Variants in MTG2 observed in about 807,000 individuals in gnomAD.
MTG2 encodes the protein mitochondrial ribosome-associated GTPase 2.
Under a neutral mutation model 28.6 loss-of-function variants are expected in MTG2, and 23 were observed. That is an observed-to-expected ratio of 0.80 (90% confidence interval 0.58 to 1.14). MTG2 has a LOEUF of 1.14. Ranked by LOEUF, MTG2 falls within the 50% of genes most tolerant of loss-of-function variation. The pLI, the probability that MTG2 is intolerant of heterozygous loss-of-function variation, is 0.00. For synonymous variants in MTG2, 260 were observed against 251.8 expected, an observed-to-expected ratio of 1.03 and a Z score of -0.31; for missense variants, 539 against 552.0, an observed-to-expected ratio of 0.98 and a Z score of 0.24.
At chr20:62,196,035 A>G in intron 3 of MTG2, 86 bp downstream of exon 3, 3 of 1,512,166 alleles carry the variant, frequency 2.0e-6, no homozygotes, top group Non-Finnish European at 2.7e-6. Context: ...ATGTATGGGC[A>G]GGCACAGTGG....
chr20:62,199,263 A>C lies in MTG2; in HGVS notation c.826+6A>C. The C allele has an allele frequency of 1.9e-6, 3 of 1,608,658 alleles. No homozygotes were observed. Among genetic ancestry groups the C allele is most frequent in the Non-Finnish European group, 2.6e-6 (3 of 1,175,770 alleles). The stretch of plus-strand genomic sequence containing the variant: ...AGGCCACCTACAAATAGCAGGTAGA[A>C]CTTCCAGAATTCTCCCAAAGGTTAG... On this transcript the variant is annotated splice_donor_region_variant and intron_variant, in intron 6 of 6. Coordinates refer to ENST00000370823, the MANE Select transcript of MTG2 (RefSeq NM_015666.4).
rs1172892386 is a variant in MTG2, at chr20:62,200,722, A to G, written c.866A>G (p.Asn289Ser). ...GGCATCATACGAGGCGCCCACCAGAACAGGGGTCTGGGGTCCGCCTTCCTC... is the reference window on the plus strand; with the variant it reads ...GGCATCATACGAGGCGCCCACCAGAGCAGGGGTCTGGGGTCCGCCTTCCTC... ...IPGIIRGAHQNRGLGSAFLRH... is the reference protein window; with the variant it reads ...IPGIIRGAHQSRGLGSAFLRH... The change falls in exon 7 of 7, where the codon AAC becomes AGC. Residue 289 changes from asparagine (N) to serine (S), a missense_variant. Asn to Ser is a conservative substitution (Grantham distance 46). Coordinates refer to ENST00000370823, the MANE Select transcript of MTG2 (RefSeq NM_015666.4). 7 of 1,613,150 alleles carry G rather than the reference A, an allele frequency of 4.3e-6. No individual in the cohort carries two copies. In the South Asian group the frequency reaches 7.7e-5, roughly 18 times the overall value.
At position 62,195,862 on chromosome 20, in the gene MTG2, G is replaced by C; in HGVS notation, c.265G>C (p.Ala89Pro). The change falls in exon 3 of 7, where the codon GCA becomes CCA. Residue 89 changes from alanine (A) to proline (P), a missense_variant. By Grantham distance (27) the Ala-to-Pro change is conservative (BLOSUM62 -1). Transcript: ENST00000370823. The part of the protein sequence containing the change: ...LVCGGNGGAG[A>P]SCFHSEPRKE... ...CTGTGGAGGAAACGGAGGCGCTGGG[G>C]CAAGCTGCTTCCACAGTGAGCCCCG... 6.2e-7 allele frequency: 1 copy of C among 1,614,214 alleles called. No individual in the cohort carries two copies.
intron 1 of MTG2, among the ~76,000 whole-genome samples, chr20:62,188,048 G>T (rs573433812): frequency 7.3e-5 from 11 of 150,774 alleles, no homozygotes; most frequent in Non-Finnish European, 1.5e-5. Context: ...GGAGAATGGC[G>T]TGAACCCGGG....
chr20:62,195,762 G>A, intron 2 of MTG2, 40 bp from the exon 3 acceptor site: 2 of 1,612,356 alleles, frequency 1.2e-6, no homozygotes, highest in African/African-American at 2.7e-5. Context: ...AAAGGACCTT[G>A]GAGTGTTGAG....
At chr20:62,189,664 C>CT (rs34528319) in intron 1 of MTG2, among the ~76,000 whole-genome samples, 20,742 of 113,628 alleles carry the variant, frequency 0.18, 2,241 homozygotes, top group East Asian at 0.5. Flanking sequence ...TAAACATTAA[C>CT]TTTTTTTTTT....
chr20:62,189,664 C>CCTTT (rs750430757), intron 1 of MTG2, among the ~76,000 whole-genome samples: 4 of 113,652 alleles, frequency 3.5e-5, no homozygotes. Flanking sequence ...TAAACATTAA[C>CCTTT]TTTTTTTTTT....
At chr20:62,187,084 G>T (rs983345051) in intron 1 of MTG2, among the ~76,000 whole-genome samples, 14 of 152,182 alleles carry the variant, frequency 9.2e-5, no homozygotes, top group African/African-American at 3.1e-4. Flanking sequence ...AGTTTGCTGA[G>T]ATGTTTTGTT....
At position 62,197,985 on chromosome 20, in the gene MTG2, G is replaced by T. The variant is rs6062140; in HGVS notation, c.468+18G>T. ...ACATCCGGGTGAGCCGAGACTGCCG[G>T]ACCTGGCCCTGTCCCCGTTGTTCTG... On this transcript the variant is annotated intron_variant, in intron 4 of 6. Coordinates refer to ENST00000370823, the MANE Select transcript of MTG2 (RefSeq NM_015666.4). The T allele has an allele frequency of 1.2e-6, 2 of 1,606,248 alleles. No individual in the cohort carries two copies. Among genetic ancestry groups the T allele is most frequent in the East Asian group, 2.2e-5 (1 of 44,794 alleles).
intron 3 of MTG2, among the ~76,000 whole-genome samples, chr20:62,196,378 A>AT (rs1601097433): frequency 6.6e-6 from 1 of 151,980 alleles, no homozygotes; most frequent in East Asian, 1.9e-4. Flanking sequence ...AAAAAGTAAA[A>AT]TTTTTAAAAC....
At position 62,197,835 on chromosome 20, in the gene MTG2, T is replaced by C. The variant is rs373074268; in HGVS notation, c.353-17T>C. On this transcript the variant is annotated splice_polypyrimidine_tract_variant and intron_variant, in intron 3 of 6. Coordinates refer to ENST00000370823, the MANE Select transcript of MTG2 (RefSeq NM_015666.4). ...TGTCGTAACACAAAGGGACTGAGATTCTTGTTCTTGCTTTAGTTGACCAGC... is the reference window on the plus strand; with the variant it reads ...TGTCGTAACACAAAGGGACTGAGATCCTTGTTCTTGCTTTAGTTGACCAGC... The C allele has an allele frequency of 1.8e-5, 29 of 1,611,232 alleles. No homozygotes were observed. The highest frequency in any genetic ancestry group is 2.5e-5 in the Non-Finnish European group (29 of 1,177,380).
At chr20:62,194,903 A>T (rs1402897413) in intron 2 of MTG2, among the ~76,000 whole-genome samples, 3 of 152,218 alleles carry the variant, frequency 2.0e-5, no homozygotes, top group Admixed American at 2.0e-4. Context: ...TGACCTACAG[A>T]ACAGCTTTCC....
intron 2 of MTG2, among the ~76,000 whole-genome samples, chr20:62,194,204 T>A (rs562474655): frequency 1.3e-5 from 2 of 152,310 alleles, no homozygotes; most frequent in African/African-American, 2.4e-5. Context: ...TACCAAAACC[T>A]CCTATTTAAA....
chr20:62,193,599 A>G lies in MTG2; in HGVS notation c.179A>G (p.Lys60Arg). 6.2e-7 allele frequency: 1 copy of G among 1,612,752 alleles called. No individual in the cohort carries two copies. Among genetic ancestry groups the G allele is most frequent in the African/African-American group, 1.3e-5 (1 of 75,032 alleles). The change falls in exon 2 of 7, where the codon AAG (lysine) becomes AGG (arginine). Residue 60 changes from lysine to arginine, a missense_variant. By Grantham distance (26) the Lys-to-Arg change is conservative (BLOSUM62 2). Transcript: ENST00000370823. ...GCCAAGCATCAGGAACTCCCGGGGA[A>G]GAAGCTGCTCTCTGAGAAAAAGCTG... ...DLAKHQELPG[K>R]KLLSEKKLKR... is the part of the protein sequence containing the mutation.
chr20:62,198,624 T>A lies in MTG2; in HGVS notation c.469-10T>A. On this transcript the variant is annotated splice_polypyrimidine_tract_variant and intron_variant, in intron 4 of 6. Transcript: ENST00000370823. Reference sequence around the variant, plus strand: ...TAGAGCTCAGCTGATGAGTGCCTGCTGTTCCCCAGGTCCCCGTGGGCACGC... The same window carrying A: ...TAGAGCTCAGCTGATGAGTGCCTGCAGTTCCCCAGGTCCCCGTGGGCACGC... 1.2e-6 allele frequency: 2 copies of A among 1,612,678 alleles called. No homozygotes were observed. The highest frequency in any genetic ancestry group is 1.7e-6 in the Non-Finnish European group (2 of 1,179,484).
At chr20:62,185,013 G>C (rs2057811805) in intron 1 of MTG2, among the ~76,000 whole-genome samples, 1 of 152,034 alleles carries the variant, frequency 6.6e-6, no homozygotes, top group Non-Finnish European at 1.5e-5. Context: ...GGGAGGCTGA[G>C]GCGAGTGGAT....
intron 4 of MTG2, chr20:62,198,351 G>A: frequency 1.8e-6 from 1 of 553,718 alleles, no homozygotes; most frequent in Admixed American, 3.1e-5. Flanking sequence ...TCTCTTAGAT[G>A]TTTTTTCTGG....
intron 2 of MTG2, chr20:62,194,149 C>T (rs2058015502): frequency 6.6e-6 from 1 of 151,858 alleles, no homozygotes; most frequent in Non-Finnish European, 1.5e-5. Flanking sequence ...AATATACCTT[C>T]CGTTTTATGG....
At chr20:62,186,713 G>C (rs1405612872) in intron 1 of MTG2, among the ~76,000 whole-genome samples, 1 of 152,004 alleles carries the variant, frequency 6.6e-6, no homozygotes, top group Admixed American at 6.6e-5. Context: ...ATTTTTAGTA[G>C]AGATGGGGTT....
Sources: gnomAD v4.1 joint callset for allele counts (sites outside exome capture counted in the v4.1 genomes callset) on GRCh38, gnomAD v4.1.1 for gene constraint, MANE v1.5 for transcripts, NCBI Gene and HGNC (gene_info 2026-07-23, HGNC 2026-07-21) for gene names.